ASB17: variants seen among roughly 807,000 people sequenced by gnomAD.
ASB17 encodes the protein ankyrin repeat and SOCS box containing 17.
A neutral mutation model predicts 25.7 loss-of-function variants in ASB17; 26 were observed. That is an observed-to-expected ratio of 1.01 (90% confidence interval 0.74 to 1.40). The LOEUF is 1.40. ASB17 is among the 40% of genes most tolerant of loss of function. The pLI is 0.00. For missense variants in ASB17, 326 were observed against 338.5 expected, an observed-to-expected ratio of 0.96 and a Z score of 0.29; for synonymous variants, 128 against 121.4, an observed-to-expected ratio of 1.05 and a Z score of -0.36.
intron 1 of ASB17, among the ~76,000 whole-genome samples, chr1:75,928,910 G>T (rs549486819): frequency 5.9e-5 from 9 of 152,320 alleles, no homozygotes; most frequent in African/African-American, 2.2e-4. Flanking sequence ...CAGGTGCAGA[G>T]AATTAAAGTA....
At chr1:75,922,437 G>T in intron 1 of ASB17, 78 bp from the exon 2 acceptor site, 1 of 998,708 alleles carries the variant, frequency 1.0e-6, no homozygotes, top group Non-Finnish European at 1.4e-6. Context: ...GCTAGTAATG[G>T]GAAAATAATA....
At chr1:75,925,996 A>G (rs2100612568) in intron 1 of ASB17, among the ~76,000 whole-genome samples, 1 of 152,250 alleles carries the variant, frequency 6.6e-6, no homozygotes, top group Middle Eastern at 3.4e-3. Context: ...TCTGCCCTCA[A>G]CATCTAAGTA....
At chr1:75,921,123 G>C (rs919263034) in intron 2 of ASB17, among the ~76,000 whole-genome samples, 2 of 152,150 alleles carry the variant, frequency 1.3e-5, no homozygotes, top group Non-Finnish European at 2.9e-5. Flanking sequence ...AGCATTCATG[G>C]AACTGGTTGA....
chr1:75,919,605 C>G (rs916771598), intron 2 of ASB17, among the ~76,000 whole-genome samples: 1 of 152,164 alleles, frequency 6.6e-6, no homozygotes, highest in Non-Finnish European at 1.5e-5. Flanking sequence ...TCTCATTGTT[C>G]AGTTCCCACC....
At position 75,919,107 on chromosome 1, in the gene ASB17, T is replaced by G. The variant is rs754361658; in HGVS notation, c.733A>C (p.Ile245Leu). ...GGATCTTTGTATCTTGTTGAAGGAATGTAATCAAACCAATTTGAAATAATT... is the reference window on the plus strand; with the variant it reads ...GGATCTTTGTATCTTGTTGAAGGAAGGTAATCAAACCAATTTGAAATAATT... ...HPIISNWFDY[I>L]PSTRYKDPCE... Residue 245 changes from isoleucine (I) to leucine (L), a missense_variant, in exon 3 of 3, where the codon ATT becomes CTT. Ile to Leu is a conservative substitution (Grantham distance 5). Coordinates refer to ENST00000284142, the MANE Select transcript of ASB17 (RefSeq NM_080868.3). The G allele has an allele frequency of 6.8e-6, 11 of 1,613,182 alleles. No homozygotes were observed. The Admixed American group carries it at 1.8e-4, about 27-fold the overall frequency.
chr1:75,925,769 A>G (rs1653154367), intron 1 of ASB17, among the ~76,000 whole-genome samples: 1 of 152,156 alleles, frequency 6.6e-6, no homozygotes, highest in Admixed American at 6.5e-5. Flanking sequence ...TTTAGCTATA[A>G]TTATTTCTAA....
intron 1 of ASB17, among the ~76,000 whole-genome samples, chr1:75,930,827 A>G (rs182503054): frequency 1.6e-4 from 25 of 152,260 alleles, no homozygotes; most frequent in Admixed American, 1.5e-3. Flanking sequence ...GTAGACAGGC[A>G]CTATTTAGCC....
chr1:75,919,433 T>C (rs868560070), intron 2 of ASB17, among the ~76,000 whole-genome samples: 4 of 152,054 alleles, frequency 2.6e-5, no homozygotes, highest in Admixed American at 6.6e-5. Context: ...ATGTGCACAA[T>C]GTGCAGGTTA....
intron 2 of ASB17, among the ~76,000 whole-genome samples, chr1:75,921,800 T>C (rs1653034545): frequency 6.6e-6 from 1 of 152,098 alleles, no homozygotes; most frequent in Admixed American, 6.6e-5. Flanking sequence ...GACAGAGACA[T>C]CTTAAACAGT....
Position 75,918,880 on chromosome 1 carries a change from A to G in ASB17, c.*72T>C. 1 of 1,234,340 alleles carries G rather than the reference A, an allele frequency of 8.1e-7. No individual in the cohort carries two copies. The highest frequency in any genetic ancestry group is 1.2e-6 in the Non-Finnish European group (1 of 848,064). The allele number at this position is 1,234,340 out of a possible 1,614,324, so 76.5% of individuals were successfully genotyped here. A position where few individuals can be genotyped will look rare whatever the true frequency, so the allele number is the denominator to read the frequency against. On this transcript the variant is annotated 3_prime_UTR_variant, in exon 3 of 3. Transcript: ENST00000284142. ...GTTTAATGCAATAAAAACTTACATG[A>G]AGTGAATTTTTATTAACTTCTAAGC...
intron 1 of ASB17, among the ~76,000 whole-genome samples, chr1:75,925,605 G>T (rs977863291): frequency 6.6e-6 from 1 of 152,074 alleles, no homozygotes; most frequent in African/African-American, 2.4e-5. Flanking sequence ...AATTATAGCA[G>T]TACTTATATG....
intron 2 of ASB17, 131 bp from the exon 3 acceptor site, chr1:75,919,289 C>A: frequency 1.5e-6 from 1 of 688,514 alleles, no homozygotes; most frequent in Non-Finnish European, 2.3e-6. Flanking sequence ...AACTTTTTTC[C>A]AAAGCATTTT....
intron 2 of ASB17, among the ~76,000 whole-genome samples, chr1:75,921,321 G>C (rs1428427330): frequency 6.6e-6 from 1 of 152,124 alleles, no homozygotes; most frequent in African/African-American, 2.4e-5. Context: ...AAAAAACAGT[G>C]GAGTTATATC....
intron 1 of ASB17, among the ~76,000 whole-genome samples, chr1:75,927,002 C>A (rs535998683): frequency 1.3e-5 from 2 of 152,100 alleles, no homozygotes; most frequent in African/African-American, 4.8e-5. Context: ...TAGGTGTGCC[C>A]AGTGTAATTG....
chr1:75,932,210 T>G lies in ASB17; in HGVS notation c.82A>C (p.Lys28Gln). Residue 28 changes from lysine to glutamine, a missense_variant, in exon 1 of 3, where the codon AAA (lysine) becomes CAA (glutamine). Transcript: ENST00000284142. Reference sequence around the variant, plus strand: ...CCCAAAAACTGTAGGGAGGGTCTTTTAACAATTTTGTCAAGGAGATTGCAG... The same window carrying G: ...CCCAAAAACTGTAGGGAGGGTCTTTGAACAATTTTGTCAAGGAGATTGCAG... ...IFCNLLDKIV[K>Q]RPSLQFLGQW... is the part of the protein sequence containing the mutation. The G allele has an allele frequency of 6.2e-7, 1 of 1,614,048 alleles. No individual in the cohort carries two copies.
At chr1:75,930,668 A>C (rs894755752) in intron 1 of ASB17, among the ~76,000 whole-genome samples, 2 of 152,122 alleles carry the variant, frequency 1.3e-5, no homozygotes, top group Non-Finnish European at 2.9e-5. Context: ...GACAGTTGTT[A>C]ATGGCACCCT....
In ASB17 at chr1:75,922,488, CTTTTTTTTTTTTTTTT is replaced by C. The variant is rs3037164; in HGVS notation, c.402-145_402-130del. Reference sequence around the variant, plus strand: ...GTCTTAAATGTAACTTTATATGTTTCTTTTTTTTTTTTTTTTTTTTTTTTTGAGATGGAGTTTCCCT... The same window carrying C: ...GTCTTAAATGTAACTTTATATGTTTCTTTTTTTTTGAGATGGAGTTTCCCT... On this transcript the variant is annotated intron_variant, in intron 1 of 2. Transcript: ENST00000284142. 2.3e-3 allele frequency: 279 copies of C among 122,390 alleles called. 3 individuals carry two copies. The highest frequency in any genetic ancestry group is 0.012 in the African/African-American group (253 of 21,072). The allele number at this position is 122,390 out of a possible 1,614,324, so 7.6% of individuals were successfully genotyped here. A position where few individuals can be genotyped will look rare whatever the true frequency, so the allele number is the denominator to read the frequency against.
chr1:75,931,970 G>A lies in ASB17; in HGVS notation c.322C>T (p.Pro108Ser), dbSNP rs568808058. ...TTGAGAAGCAATTCCACAAAGTCAGGATTACCTTTTCTGGCAAAAACCCAG... is the reference window on the plus strand; with the variant it reads ...TTGAGAAGCAATTCCACAAAGTCAGAATTACCTTTTCTGGCAAAAACCCAG... ...LYWVFARKGN[P>S]DFVELLLKKT... Residue 108 changes from proline to serine, a missense_variant, in exon 1 of 3, where the codon CCT becomes TCT. Transcript: ENST00000284142. The A allele has an allele frequency of 2.5e-6, 4 of 1,613,986 alleles. No homozygotes were observed. In the East Asian group the frequency reaches 6.7e-5, roughly 27 times the overall value.
chr1:75,928,039 C>T (rs773420634), intron 1 of ASB17, among the ~76,000 whole-genome samples: 8 of 152,146 alleles, frequency 5.3e-5, no homozygotes, highest in Non-Finnish European at 1.0e-4. Flanking sequence ...ATCTAGATTA[C>T]ATGTCTTCAA....
Sources: allele counts gnomAD v4.1 joint callset (sites outside exome capture counted in the v4.1 genomes callset), GRCh38; gene constraint gnomAD v4.1.1; transcripts MANE v1.5; gene names NCBI Gene and HGNC (gene_info 2026-07-23, HGNC 2026-07-21).